PARD3B: variants seen among roughly 807,000 people sequenced by gnomAD.
The protein encoded by PARD3B is partitioning defective 3 homolog B.
A neutral mutation model predicts 130.2 loss-of-function variants in PARD3B; 103 were observed. The ratio of observed to expected loss-of-function variants is 0.79; its 90% CI spans 0.67 to 0.93. The LOEUF (loss-of-function observed/expected upper bound fraction) is 0.93, where lower values mean the gene tolerates loss of function less well. Among genes scored for constraint, PARD3B ranks in the 40% least tolerant of loss-of-function variants. PARD3B has a pLI of 0.00. For missense variants in PARD3B, 1,609 were observed against 1,499.2 expected (o/e 1.07, Z -1.21); for synonymous variants, 583 against 553.2 (o/e 1.05, Z -0.76).
intron 2 of PARD3B, among the ~76,000 whole-genome samples, chr2:204,696,588 G>C (rs372995598): frequency 6.6e-6 from 1 of 152,078 alleles, no homozygotes; most frequent in East Asian, 1.9e-4. Flanking sequence ...TATATAAACC[G>C]CTTGTACTTA....
intron 2 of PARD3B, among the ~76,000 whole-genome samples, chr2:204,866,880 C>G (rs866494092): frequency 2.0e-5 from 3 of 151,806 alleles, no homozygotes; most frequent in Admixed American, 6.6e-5. Flanking sequence ...ACCAGCCTGG[C>G]CAACATGGTG....
At chr2:204,743,859 T>C (rs2040108591) in intron 2 of PARD3B, among the ~76,000 whole-genome samples, 1 of 152,144 alleles carries the variant, frequency 6.6e-6, no homozygotes, top group African/African-American at 2.4e-5. Context: ...GAAGTGTGGA[T>C]GGGCCACAAA....
chr2:205,116,055 G>T lies in PARD3B; in HGVS notation c.680+2478G>T, dbSNP rs1193452689. On this transcript the variant is annotated intron_variant, in intron 6 of 22. Transcript: ENST00000406610. This position sits in a 1 kb window ranked among gnomAD's most constrained non-coding sequence, Gnocchi z 4.5. ...CTGCTCTGCTAGATAAAGCCTCAAT[G>T]AATTCATTAGATACCATCGCAGAGG... 6.6e-6 allele frequency among the ~76,000 whole-genome samples: 1 copy of T among 151,754 alleles called. No homozygotes were observed.
intron 10 of PARD3B, among the ~76,000 whole-genome samples, chr2:205,152,839 CT>C (rs1332346840): frequency 6.6e-6 from 1 of 152,156 alleles, no homozygotes; most frequent in Non-Finnish European, 1.5e-5. Flanking sequence ...AAGAGGTGCT[CT>C]GGTTTTTAGA....
intron 10 of PARD3B, among the ~76,000 whole-genome samples, chr2:205,155,802 G>A (rs1159067031): frequency 2.0e-5 from 3 of 152,128 alleles, no homozygotes; most frequent in Non-Finnish European, 4.4e-5. Flanking sequence ...GGCCAGTGAT[G>A]GTGAGCATTT....
intron 21 of PARD3B, among the ~76,000 whole-genome samples, chr2:205,546,323 A>G (rs1296084871): frequency 6.6e-6 from 1 of 152,198 alleles, no homozygotes; most frequent in African/African-American, 2.4e-5. Context: ...TTCTAACGTT[A>G]CACTGTTGTG....
At chr2:205,212,893 G>T (rs912488516) in intron 15 of PARD3B, among the ~76,000 whole-genome samples, 4 of 152,142 alleles carry the variant, frequency 2.6e-5, no homozygotes, top group Non-Finnish European at 5.9e-5. Flanking sequence ...AGCATTAGTA[G>T]TAACTGTAAT....
intron 18 of PARD3B, among the ~76,000 whole-genome samples, chr2:205,396,110 C>G (rs2046019743): frequency 6.6e-6 from 1 of 152,196 alleles, no homozygotes; most frequent in Non-Finnish European, 1.5e-5. Context: ...TTCCTTCACC[C>G]TCAAGACTTT....
intron 2 of PARD3B, among the ~76,000 whole-genome samples, chr2:204,951,871 G>A (rs1209987709): frequency 1.3e-5 from 2 of 152,168 alleles, no homozygotes; most frequent in Non-Finnish European, 2.9e-5. Context: ...CATGCTCACA[G>A]ACACATTTTT....
At chr2:204,634,614 C>T (rs954725744) in intron 1 of PARD3B, among the ~76,000 whole-genome samples, 6 of 152,022 alleles carry the variant, frequency 3.9e-5, no homozygotes, top group Admixed American at 6.6e-5. Context: ...TCTCCAGAGT[C>T]TGTATTTTGC....
At position 205,410,257 on chromosome 2, in the gene PARD3B, G is replaced by A. The variant is rs2046551963; in HGVS notation, c.2741+9134G>A. On this transcript the variant is annotated intron_variant, in intron 19 of 22. Transcript: ENST00000406610. ...TCAGATTTTGGATTTTCAGATTTGG[G>A]ATGCTCAACCTATACAGATAAATTT... Among the ~76,000 whole-genome samples, 4 of 152,202 alleles carry A rather than the reference G, an allele frequency of 2.6e-5. No homozygotes were observed. In the South Asian group the frequency reaches 8.3e-4, roughly 32 times the overall value.
At chr2:205,451,862 AATTAAT>A (rs945916441) in intron 20 of PARD3B, among the ~76,000 whole-genome samples, 84 of 152,312 alleles carry the variant, frequency 5.5e-4, no homozygotes, top group African/African-American at 1.9e-3. Context: ...TGTACAATTA[AATTAAT>A]ATTGACTAGA....
intron 2 of PARD3B, among the ~76,000 whole-genome samples, chr2:204,827,589 T>C (rs745936633): frequency 6.6e-6 from 1 of 152,188 alleles, no homozygotes; most frequent in Non-Finnish European, 1.5e-5. Context: ...ATAACAAAAC[T>C]AAATTCTAAT....
intron 2 of PARD3B, among the ~76,000 whole-genome samples, chr2:204,911,639 G>A (rs2047240829): frequency 6.6e-6 from 1 of 152,136 alleles, no homozygotes; most frequent in Non-Finnish European, 1.5e-5. Flanking sequence ...GCTTAATGGC[G>A]TTTCCATCCT....
intron 3 of PARD3B, among the ~76,000 whole-genome samples, chr2:204,976,928 A>C (rs1692225156): frequency 6.6e-6 from 1 of 151,954 alleles, no homozygotes; most frequent in Non-Finnish European, 1.5e-5. Flanking sequence ...TGATATTTTG[A>C]TCTGGTCTTT....
intron 2 of PARD3B, among the ~76,000 whole-genome samples, chr2:204,776,423 T>C (rs1196382521): frequency 6.6e-6 from 1 of 152,150 alleles, no homozygotes; most frequent in African/African-American, 2.4e-5. Flanking sequence ...CCTCTTTAAG[T>C]TACCTGTATA....
rs2041965555 is a variant in PARD3B at position 205,300,718 on chromosome 2, C to A, written c.2374C>A (p.Pro792Thr). The A allele has an allele frequency of 6.2e-7, 1 of 1,610,984 alleles. No individual in the cohort carries two copies. The highest frequency in any genetic ancestry group is 1.1e-5 in the South Asian group (1 of 91,034). Residue 792 changes from proline (P) to threonine (T), a missense_variant, in exon 17 of 23, where the codon CCT becomes ACT. By Grantham distance (38) the Pro-to-Thr change is conservative. Transcript: ENST00000406610. The surrounding 1 kb of genome is among the most constrained non-coding windows in gnomAD (Gnocchi z 4.1). ...AGCCATTGACAAATCCTACGATGGACCTGAAGAAATAGAAGCTGGTAGGAT... is the reference window on the plus strand; with the variant it reads ...AGCCATTGACAAATCCTACGATGGAACTGAAGAAATAGAAGCTGGTAGGAT... ...RAAIDKSYDG[P>T]EEIEADGLSD...
rs530594187 is a variant in PARD3B, at chr2:205,214,731, G to A, written c.2140+21411G>A. Among the ~76,000 whole-genome samples the A allele has an allele frequency of 7.9e-5, 12 of 152,132 alleles. 1 individual carries two copies. The South Asian group carries it at 1.7e-3, about 21-fold the overall frequency. ...ACTGAGAAACATTAAAAGGCCCTAC[G>A]TTCGCATGACCCAGTTTGTACAGTA... On this transcript the variant is annotated intron_variant, in intron 15 of 22. Transcript: ENST00000406610.
intron 22 of PARD3B, among the ~76,000 whole-genome samples, chr2:205,554,991 A>AT (rs2052814312): frequency 1.8e-5 from 2 of 108,230 alleles, no homozygotes; most frequent in Non-Finnish European, 4.9e-5. Flanking sequence ...TCCCCAAGGG[A>AT]CAGTTACATT....
Sources: gnomAD v4.1 joint callset for allele counts (sites outside exome capture counted in the v4.1 genomes callset) on GRCh38, gnomAD v4.1.1 for gene constraint, Gnocchi (gnomAD v3.1) non-coding constraint, MANE v1.5 for transcripts, NCBI Gene and HGNC (gene_info 2026-07-23, HGNC 2026-07-21) for gene names.